ARHGAP5: variants seen among roughly 807,000 people sequenced by gnomAD.
The protein encoded by ARHGAP5 is rho GTPase-activating protein 5.
Under a neutral mutation model 116.6 loss-of-function variants are expected in ARHGAP5, and 23 were observed. The ratio of observed to expected loss-of-function variants is 0.20; its 90% confidence interval spans 0.14 to 0.28. ARHGAP5 has a LOEUF of 0.28. ARHGAP5 is among the 10% of genes least tolerant of loss of function. ARHGAP5 has a pLI of 1.00. For missense variants in ARHGAP5, 1,405 were observed against 1,774.8 expected (o/e 0.79, Z 3.74); for synonymous variants, 574 against 602.0 (o/e 0.95, Z 0.68).
chr14:32,095,490 G>A (rs542205972), intron 2 of ARHGAP5, among the ~76,000 whole-genome samples: 1 of 142,578 alleles, frequency 7.0e-6, no homozygotes, highest in African/African-American at 2.6e-5. Context: ...TTGGCTCACC[G>A]CAGCCTCCGC....
chr14:32,094,346 A>T lies in ARHGAP5; in HGVS notation c.3677A>T (p.Lys1226Met). 1 of 1,588,034 alleles carries T rather than the reference A, an allele frequency of 6.3e-7. No homozygotes were observed. The highest frequency in any genetic ancestry group is 8.5e-7 in the Non-Finnish European group (1 of 1,173,048). Residue 1226 changes from lysine to methionine, a missense_variant, in exon 2 of 7, where the codon AAG becomes ATG. Coordinates refer to ENST00000345122, the MANE Select transcript of ARHGAP5 (RefSeq NM_001030055.2). ...TCTGACCAGGAGTTAGATGATAAGA[A>T]GATGAAGAAGAAAACCCACAAAGTG... ...ITSDQELDDK[K>M]MKKKTHKVKE...
intron 5 of ARHGAP5, among the ~76,000 whole-genome samples, chr14:32,151,803 C>T (rs1026409721): frequency 5.3e-4 from 81 of 152,126 alleles, no homozygotes; most frequent in African/African-American, 1.8e-3. Flanking sequence ...AAATTGCTAA[C>T]GTACCATTTC....
intron 1 of ARHGAP5, among the ~76,000 whole-genome samples, chr14:32,088,116 A>G (rs1478133270): frequency 6.6e-6 from 1 of 152,030 alleles, no homozygotes; most frequent in Non-Finnish European, 1.5e-5. Context: ...AGTGAGTCTT[A>G]ATGAGTAATA....
Position 32,094,065 on chromosome 14 carries a change from TGAA to T in ARHGAP5, c.3400_3402del (p.Glu1134del), listed in dbSNP as rs1279306889. The T allele has an allele frequency of 9.3e-6, 15 of 1,613,896 alleles. No homozygotes were observed. In the South Asian group the frequency reaches 1.2e-4, roughly 13 times the overall value. ...CATTTGTAAATAACACCCAAGGAGA[TGAA>T]GAAAATGGGTTTTCTGATAGAACCT... On this transcript the variant is annotated inframe_deletion, in exon 2 of 7. Coordinates refer to ENST00000345122, the MANE Select transcript of ARHGAP5 (RefSeq NM_001030055.2).
chr14:32,092,478 G>A lies in ARHGAP5; in HGVS notation c.1809G>A (p.Lys603=). ...IDKVNLFILG[K]DGLAQELANE... ...AAGTTAACCTTTTTATTTTAGGGAA[G>A]GATGGCCTTGCCCAAGAACTAGCAA... The change falls in exon 2 of 7, where the codon AAG becomes AAA. Residue 603 remains lysine, a synonymous_variant. Transcript: ENST00000345122. The surrounding 1 kb of genome is among the most constrained non-coding windows in gnomAD (Gnocchi z 4.1). 6.2e-7 allele frequency: 1 copy of A among 1,613,972 alleles called. No individual in the cohort carries two copies. Among genetic ancestry groups the A allele is most frequent in the Non-Finnish European group, 8.5e-7 (1 of 1,179,860 alleles).
intron 1 of ARHGAP5, among the ~76,000 whole-genome samples, chr14:32,081,075 C>T (rs749070714): frequency 6.6e-6 from 1 of 152,106 alleles, no homozygotes; most frequent in Non-Finnish European, 1.5e-5. Context: ...AGCAGCTAGG[C>T]ACTGAGTGAT....
At chr14:32,128,937 T>C (rs1293552585) in intron 3 of ARHGAP5, among the ~76,000 whole-genome samples, 2 of 152,224 alleles carry the variant, frequency 1.3e-5, no homozygotes, top group African/African-American at 2.4e-5. Context: ...TGTTCCCTGG[T>C]TTTAAAAGTG....
At chr14:32,107,439 G>A (rs938609951) in intron 2 of ARHGAP5, among the ~76,000 whole-genome samples, 19 of 152,158 alleles carry the variant, frequency 1.2e-4, no homozygotes, top group African/African-American at 4.1e-4. Flanking sequence ...GAAATCTTAT[G>A]TGTGAAGGCT....
chr14:32,137,564 A>C (rs542996520), intron 3 of ARHGAP5, among the ~76,000 whole-genome samples: 11 of 152,044 alleles, frequency 7.2e-5, no homozygotes, highest in Non-Finnish European at 1.2e-4. Context: ...CCTGCAATTG[A>C]ATGTGAATTT....
chr14:32,133,896 C>T (rs1480210785), intron 3 of ARHGAP5, among the ~76,000 whole-genome samples: 1 of 152,082 alleles, frequency 6.6e-6, no homozygotes, highest in African/African-American at 2.4e-5. Context: ...TATTGATTTG[C>T]ATGTATTGAA....
At chr14:32,147,410 C>T (rs564047849) in intron 4 of ARHGAP5, among the ~76,000 whole-genome samples, 1 of 152,120 alleles carries the variant, frequency 6.6e-6, no homozygotes, top group South Asian at 2.1e-4. Context: ...ATATGCTTAG[C>T]CTCTATTAAT....
chr14:32,095,725 A>G (rs540132620), intron 2 of ARHGAP5, among the ~76,000 whole-genome samples: 8 of 152,302 alleles, frequency 5.3e-5, no homozygotes, highest in African/African-American at 1.4e-4. Flanking sequence ...GTAAACTTTT[A>G]AAATAATACT....
chr14:32,131,196 G>A (rs1880467523), intron 3 of ARHGAP5, among the ~76,000 whole-genome samples: 2 of 146,734 alleles, frequency 1.4e-5, no homozygotes, highest in African/African-American at 2.5e-5. Flanking sequence ...GAGCTTTTTT[G>A]TTGTATCAAT....
At chr14:32,112,552 TATGA>T (rs1879366121) in intron 2 of ARHGAP5, among the ~76,000 whole-genome samples, 1 of 152,222 alleles carries the variant, frequency 6.6e-6, no homozygotes, top group African/African-American at 2.4e-5. Context: ...GAAGTTCAGA[TATGA>T]ATGAATGTAG....
In ARHGAP5 at chr14:32,158,709, C is replaced by T. The variant is rs1331257599; in HGVS notation, c.*3761C>T. Reference sequence around the variant, plus strand: ...ATTAGAACTCTTGGAAGTTCTTAGCCTTTTCAGGTTATGAAATACCTGAAA... The same window carrying T: ...ATTAGAACTCTTGGAAGTTCTTAGCTTTTTCAGGTTATGAAATACCTGAAA... On this transcript the variant is annotated 3_prime_UTR_variant, in exon 7 of 7. Coordinates refer to ENST00000345122, the MANE Select transcript of ARHGAP5 (RefSeq NM_001030055.2). The T allele has an allele frequency of 2.6e-5, 4 of 151,934 alleles. No individual in the cohort carries two copies. The East Asian group carries it at 7.7e-4, about 29-fold the overall frequency. 9.4% of individuals were successfully genotyped at this position (151,934 alleles called of 1,614,324 possible). A position where few individuals can be genotyped will look rare whatever the true frequency, so the allele number is the denominator to read the frequency against.
intron 3 of ARHGAP5, among the ~76,000 whole-genome samples, chr14:32,121,798 T>C (rs950004780): frequency 1.1e-4 from 17 of 152,244 alleles, no homozygotes; most frequent in African/African-American, 4.1e-4. Flanking sequence ...TTTACAGGCT[T>C]GCCTGTTCCT....
chr14:32,137,522 T>G (rs1187228764), intron 3 of ARHGAP5, among the ~76,000 whole-genome samples: 2 of 152,072 alleles, frequency 1.3e-5, no homozygotes, highest in Admixed American at 1.3e-4. Flanking sequence ...GGTTTTTTCT[T>G]CTTTTTCAAG....
chr14:32,148,797 G>C (rs1362484176), intron 4 of ARHGAP5, among the ~76,000 whole-genome samples: 1 of 152,034 alleles, frequency 6.6e-6, no homozygotes, highest in African/African-American at 2.4e-5. Context: ...AGGTGATGGG[G>C]AAATTTTTTT....
At chr14:32,150,932 C>G (rs1346699141) in intron 5 of ARHGAP5, among the ~76,000 whole-genome samples, 3 of 152,150 alleles carry the variant, frequency 2.0e-5, no homozygotes, top group Admixed American at 1.3e-4. Context: ...CAGTTTCATC[C>G]ACATGATTTC....
Sources: gnomAD v4.1 joint callset for allele counts (sites outside exome capture counted in the v4.1 genomes callset) on GRCh38, gnomAD v4.1.1 for gene constraint, Gnocchi (gnomAD v3.1) non-coding constraint, MANE v1.5 for transcripts, NCBI Gene and HGNC (gene_info 2026-07-23, HGNC 2026-07-21) for gene names.